The following DHX30 variants were observed in gnomAD, a reference collection of about 807,000 sequenced individuals.
DHX30 encodes the protein ATP-dependent RNA helicase DHX30.
Under a neutral mutation model 116.9 loss-of-function variants are expected in DHX30, and 4 were observed. That is an observed-to-expected ratio of 0.03 (90% CI 0.02 to 0.08). DHX30 has a LOEUF of 0.08. Ranked by LOEUF, DHX30 falls within the 10% of genes least tolerant of loss-of-function variation. The probability of loss-of-function intolerance (pLI) is 1.00; values close to 1 mark genes in which losing one functional copy is unlikely to be tolerated. For missense variants in DHX30, 871 were observed against 1,595.1 expected (o/e 0.55, Z 7.73); for synonymous variants, 697 against 651.7 (o/e 1.07, Z -1.06).
At position 47,835,469 on chromosome 3, in the gene DHX30, AT is replaced by A. The variant is rs1294779321; in HGVS notation, c.367-5401del. Among the ~76,000 whole-genome samples the A allele has an allele frequency of 4.7e-5, 7 of 148,818 alleles. No homozygotes were observed. The South Asian group carries it at 1.5e-3, about 32-fold the overall frequency. ...AGGTGTGAGCCACTGTGCCCGGCCA[AT>A]TTTTTTGTACTTTTAGTACAGATGG... On this transcript the variant is annotated intron_variant, in intron 6 of 21. Transcript: ENST00000445061.
chr3:47,849,918 TGGAGGGTGACTCG>T lies in DHX30; in HGVS notation c.3384_3396del (p.Glu1129ValfsTer6). On this transcript the variant is annotated frameshift_variant, in exon 22 of 22. Coordinates refer to ENST00000445061, the MANE Select transcript of DHX30 (RefSeq NM_138615.3). LOFTEE classifies it high-confidence loss of function. ...CTGAGCGACAGTGACCTGCTGCGGCTGGAGGGTGACTCGCGTACCGTGCGGCTGCTGAAGGAGC... is the reference window on the plus strand; with the variant it reads ...CTGAGCGACAGTGACCTGCTGCGGCTCGTACCGTGCGGCTGCTGAAGGAGC... 6.2e-7 allele frequency: 1 copy of T among 1,613,380 alleles called. No individual in the cohort carries two copies. Among genetic ancestry groups the T allele is most frequent in the Non-Finnish European group, 8.5e-7 (1 of 1,179,812 alleles).
intron 9 of DHX30, among the ~76,000 whole-genome samples, chr3:47,844,925 T>C (rs1294844955): frequency 2.0e-5 from 3 of 151,894 alleles, no homozygotes; most frequent in African/African-American, 7.3e-5. Flanking sequence ...CATGTAGGGA[T>C]TGGGAGGCGG....
chr3:47,829,343 GT>G (rs539815717), intron 6 of DHX30, among the ~76,000 whole-genome samples: 21 of 69,532 alleles, frequency 3.0e-4, no homozygotes, highest in Non-Finnish European at 4.1e-4. Flanking sequence ...TGTGTTTTTG[GT>G]TTTTTTTTTT....
intron 4 of DHX30, chr3:47,824,978 C>G (rs1211107657): frequency 2.0e-6 from 1 of 511,720 alleles, no homozygotes. Flanking sequence ...CTCGGGCCGG[C>G]CGCTCCCGTT....
chr3:47,844,687 A>G (rs1031285123), intron 9 of DHX30, among the ~76,000 whole-genome samples: 2 of 152,222 alleles, frequency 1.3e-5, no homozygotes, highest in African/African-American at 2.4e-5. Flanking sequence ...AAGGGTGAGC[A>G]GAGTCCAGCC....
chr3:47,815,947 T>TG, intron 3 of DHX30: 1 of 984,972 alleles, frequency 1.0e-6, no homozygotes, highest in Non-Finnish European at 1.2e-6. Flanking sequence ...TTCTTTTTTT[T>TG]TTTTTTTCAA....
chr3:47,803,716 G>C (rs1251903113), intron 1 of DHX30, among the ~76,000 whole-genome samples: 1 of 152,238 alleles, frequency 6.6e-6, no homozygotes, highest in African/African-American at 2.4e-5. Context: ...CCTTGTCACT[G>C]GGGGAGGCCA....
chr3:47,835,170 A>ATT (rs552610417), intron 6 of DHX30, among the ~76,000 whole-genome samples: 30 of 106,492 alleles, frequency 2.8e-4, no homozygotes, highest in Admixed American at 6.4e-4. Context: ...TGCCTGGCTA[A>ATT]TTTTTTTTTT....
intron 2 of DHX30, among the ~76,000 whole-genome samples, chr3:47,807,650 A>G (rs1396151246): frequency 2.0e-5 from 3 of 148,464 alleles, no homozygotes; most frequent in Admixed American, 6.9e-5. Flanking sequence ...GGTTGCAGTA[A>G]GCTGATATTA....
rs1237716574 is a variant in DHX30 at position 47,847,725 on chromosome 3, A to C, written c.2111-56A>C. 1 of 1,579,884 alleles carries C rather than the reference A, an allele frequency of 6.3e-7. No individual in the cohort carries two copies. The highest frequency in any genetic ancestry group is 8.6e-7 in the Non-Finnish European group (1 of 1,158,972). ...AAAATCCTTGCCCTGCCCACATTCC[A>C]GGGGGGAATTCTGGTGGAAGCAGTG... On this transcript the variant is annotated intron_variant, in intron 13 of 21. Coordinates refer to ENST00000445061, the MANE Select transcript of DHX30 (RefSeq NM_138615.3). The surrounding 1 kb of genome is among the most constrained non-coding windows in gnomAD (Gnocchi z 5.5).
intron 3 of DHX30, among the ~76,000 whole-genome samples, chr3:47,811,702 G>A (rs988656697): frequency 1.3e-5 from 2 of 152,124 alleles, no homozygotes; most frequent in Non-Finnish European, 2.9e-5. Context: ...AAGGTGAAGC[G>A]GGAGCAGGCG....
At chr3:47,816,972 A>G (rs1013555397) in intron 3 of DHX30, 43 of 984,350 alleles carry the variant, frequency 4.4e-5, no homozygotes, top group Non-Finnish European at 5.1e-5. Context: ...TTATAATTCT[A>G]CTCCTGCTTT....
At chr3:47,812,332 C>T (rs957877139) in intron 3 of DHX30, among the ~76,000 whole-genome samples, 8 of 151,846 alleles carry the variant, frequency 5.3e-5, no homozygotes, top group African/African-American at 1.5e-4. Context: ...CCAAAGTGGG[C>T]GGATCACTTG....
chr3:47,828,170 A>G (rs1365971287), intron 5 of DHX30, among the ~76,000 whole-genome samples: 1 of 151,902 alleles, frequency 6.6e-6, no homozygotes, highest in East Asian at 1.9e-4. Flanking sequence ...TTTAAAGATA[A>G]AGATGGGGCC....
At chr3:47,823,321 T>A (rs1486260290) in intron 4 of DHX30, among the ~76,000 whole-genome samples, 1 of 150,170 alleles carries the variant, frequency 6.7e-6, no homozygotes, top group Admixed American at 6.6e-5. Flanking sequence ...AAGACCCCCC[T>A]GGGAACAAAC....
intron 2 of DHX30, among the ~76,000 whole-genome samples, chr3:47,809,234 C>CTTT (rs71070231): frequency 0.034 from 2,149 of 63,628 alleles, 295 homozygotes; most frequent in African/African-American, 0.037. Flanking sequence ...AATGTAACTT[C>CTTT]TTTTTTTTTT....
Position 47,829,074 on chromosome 3 carries a change from T to C in DHX30, c.306T>C (p.Tyr102=), listed in dbSNP as rs750759641. 2.9e-5 allele frequency: 46 copies of C among 1,610,442 alleles called. No individual in the cohort carries two copies. The highest frequency in any genetic ancestry group is 3.7e-5 in the Non-Finnish European group (44 of 1,178,430). ...KWPKSVEVEG[Y]GSKKIDAERQ... ...CCAAGAGCGTGGAGGTAGAAGGCTATGGCAGCAAGAAGATCGATGCTGAGC... is the reference window on the plus strand; with the variant it reads ...CCAAGAGCGTGGAGGTAGAAGGCTACGGCAGCAAGAAGATCGATGCTGAGC... The change falls in exon 6 of 22, where the codon TAT becomes TAC. Residue 102 remains tyrosine (Y), a synonymous_variant. Transcript: ENST00000445061.
At chr3:47,804,107 T>C (rs985426613) in intron 1 of DHX30, among the ~76,000 whole-genome samples, 1 of 152,156 alleles carries the variant, frequency 6.6e-6, no homozygotes, top group African/African-American at 2.4e-5. Flanking sequence ...TCATTGTGGG[T>C]TTTAACTACA....
At chr3:47,846,060 G>A (rs1576516930) in intron 10 of DHX30, 105 bp from the exon 11 acceptor site, 3 of 1,415,592 alleles carry the variant, frequency 2.1e-6, no homozygotes, top group Admixed American at 3.9e-5. Flanking sequence ...TCTGCCCAGC[G>A]GGTTGGGCCA....
Sources: allele counts gnomAD v4.1 joint callset (sites outside exome capture counted in the v4.1 genomes callset), GRCh38; gene constraint gnomAD v4.1.1; non-coding constraint Gnocchi (gnomAD v3.1); transcripts MANE v1.5; gene names NCBI Gene and HGNC (gene_info 2026-07-23, HGNC 2026-07-21).